The following HERC4 variants were observed in gnomAD, a reference collection of about 807,000 sequenced individuals.
HERC4 encodes probable E3 ubiquitin-protein ligase HERC4.
In HERC4, 28 loss-of-function variants were observed where a neutral mutation model predicts 124.3. That is an observed-to-expected ratio of 0.23 (90% CI 0.17 to 0.31). The LOEUF is 0.31. HERC4 is among the 10% of genes least tolerant of loss of function. The pLI, the probability that HERC4 is intolerant of heterozygous loss-of-function variation, is 1.00. For synonymous variants in HERC4, 407 were observed against 421.5 expected (o/e 0.97, Z 0.42); for missense variants, 713 against 1,229.3 (o/e 0.58, Z 6.28).
intron 15 of HERC4, among the ~76,000 whole-genome samples, chr10:67,978,731 G>A (rs1463600522): frequency 6.6e-6 from 1 of 152,160 alleles, no homozygotes; most frequent in South Asian, 2.1e-4. Context: ...ATCGCCACAG[G>A]GGTGCTTGTG....
chr10:68,033,411 A>G (rs2039308809), intron 6 of HERC4, among the ~76,000 whole-genome samples: 2 of 152,202 alleles, frequency 1.3e-5, no homozygotes, highest in African/African-American at 2.4e-5. Flanking sequence ...AATTATACTG[A>G]ACTATAAGAA....
chr10:67,952,352 T>G (rs2033851525), intron 19 of HERC4, among the ~76,000 whole-genome samples: 1 of 152,006 alleles, frequency 6.6e-6, no homozygotes, highest in African/African-American at 2.4e-5. Context: ...GGCGCGACCT[T>G]GGCTCACTGC....
At chr10:68,025,298 T>C (rs999574014) in intron 8 of HERC4, among the ~76,000 whole-genome samples, 2 of 152,106 alleles carry the variant, frequency 1.3e-5, no homozygotes, top group Non-Finnish European at 2.9e-5. Context: ...TGATATCAAC[T>C]ACAATAAATA....
At chr10:68,068,008 T>C (rs573148901) in intron 3 of HERC4, 3 of 152,328 alleles carry the variant, frequency 2.0e-5, no homozygotes, top group South Asian at 2.1e-4. Flanking sequence ...CAATAAAATA[T>C]GCTGTCTTCA....
At chr10:67,951,387 A>G (rs1036694198) in intron 19 of HERC4, among the ~76,000 whole-genome samples, 1 of 152,206 alleles carries the variant, frequency 6.6e-6, no homozygotes, top group Non-Finnish European at 1.5e-5. Flanking sequence ...TTTACAGAAC[A>G]AATACAAAGC....
In HERC4 at chr10:67,978,307, C is replaced by CACTGGCAGTAT. The variant is rs2035720525; in HGVS notation, c.1806+10345_1806+10355dup. Among the ~76,000 whole-genome samples the CACTGGCAGTAT allele has an allele frequency of 2.6e-5, 4 of 152,332 alleles. 1 individual carries two copies. The South Asian group carries it at 8.3e-4, about 32-fold the overall frequency. ...AAAAACCCCTTGGGCCTCAAGGAAA[C>CACTGGCAGTAT]ACTGGCAGTATTCTGGCAGTACTCC... is the stretch of plus-strand genomic sequence containing the variant. On this transcript the variant is annotated intron_variant, in intron 15 of 24. Coordinates refer to ENST00000373700, the MANE Select transcript of HERC4 (RefSeq NM_015601.4).
chr10:68,013,821 G>C (rs2038109297), intron 9 of HERC4, among the ~76,000 whole-genome samples: 1 of 152,114 alleles, frequency 6.6e-6, no homozygotes, highest in South Asian at 2.1e-4. Context: ...CTCTCTGTAA[G>C]TAACTTTTAC....
intron 23 of HERC4, among the ~76,000 whole-genome samples, chr10:67,927,758 A>C (rs1259041506): frequency 6.6e-6 from 1 of 152,024 alleles, no homozygotes; most frequent in Non-Finnish European, 1.5e-5. Context: ...TCCTGTCTTA[A>C]CTGAATGAAC....
In HERC4 at chr10:67,934,658, T is replaced by C. The variant is rs374728105; in HGVS notation, c.2654+1495A>G. On this transcript the variant is annotated intron_variant, in intron 22 of 24. Transcript: ENST00000373700. ...ATAAAAATGTTTTTAAACACACACATTTGATAATTTGGATACAGAATTCTA... is the reference window on the plus strand; with the variant it reads ...ATAAAAATGTTTTTAAACACACACACTTGATAATTTGGATACAGAATTCTA... Among the ~76,000 whole-genome samples, 5 of 152,290 alleles carry C rather than the reference T, an allele frequency of 3.3e-5. No individual in the cohort carries two copies. The South Asian group carries it at 1.0e-3, about 32-fold the overall frequency.
chr10:68,034,402 T>G (rs908484655), intron 5 of HERC4, among the ~76,000 whole-genome samples: 9 of 152,172 alleles, frequency 5.9e-5, no homozygotes, highest in Non-Finnish European at 7.3e-5. Context: ...TAGTACACTT[T>G]AAGTTTGATT....
chr10:67,953,189 G>T (rs1172796121), intron 19 of HERC4, among the ~76,000 whole-genome samples: 2 of 152,094 alleles, frequency 1.3e-5, no homozygotes, highest in African/African-American at 4.8e-5. Context: ...AACTATGTAG[G>T]CATTTTATAT....
chr10:67,922,847 G>T lies in HERC4; in HGVS notation c.*84C>A. 2.1e-6 allele frequency: 2 copies of T among 945,112 alleles called. No homozygotes were observed. The highest frequency in any genetic ancestry group is 1.6e-6 in the Non-Finnish European group (1 of 617,218). The allele number at this position is 945,112 out of a possible 1,614,324, so 58.5% of individuals were successfully genotyped here. On this transcript the variant is annotated 3_prime_UTR_variant, in exon 25 of 25. Transcript: ENST00000373700. ...AAGTAAGAATTATAATAGTACCTCT[G>T]TCACCTTGCTGAATTCATCACCACA...
Position 68,001,050 on chromosome 10 carries a change from C to T in HERC4, c.1070-8368G>A, listed in dbSNP as rs181838667. 8.5e-4 allele frequency among the ~76,000 whole-genome samples: 129 copies of T among 152,230 alleles called. 1 individual carries two copies. The highest frequency in any genetic ancestry group is 1.6e-3 in the Non-Finnish European group (106 of 68,016). On this transcript the variant is annotated intron_variant, in intron 9 of 24. Transcript: ENST00000373700. Reference sequence around the variant, plus strand: ...CTCCAGGGAGATAATAATCACTAAACCAAAGGAATATTCTGGCTGTTAAGA... The same window carrying T: ...CTCCAGGGAGATAATAATCACTAAATCAAAGGAATATTCTGGCTGTTAAGA...
At position 68,033,481 on chromosome 10, in the gene HERC4, C is replaced by A. The variant is rs561260174; in HGVS notation, c.685+484G>T. 1.4e-4 allele frequency among the ~76,000 whole-genome samples: 21 copies of A among 152,200 alleles called. 2 individuals are homozygous for A. The South Asian group carries it at 4.4e-3, about 32-fold the overall frequency. ...TCAATGTAATCATGAAAAATAAGTT[C>A]CAAGATCCCAACTTGTTTCAGTTAC... On this transcript the variant is annotated intron_variant, in intron 6 of 24. Transcript: ENST00000373700.
intron 23 of HERC4, among the ~76,000 whole-genome samples, chr10:67,926,022 A>G (rs1215346632): frequency 6.6e-6 from 1 of 152,206 alleles, no homozygotes; most frequent in Non-Finnish European, 1.5e-5. Context: ...CTATGAAACA[A>G]GAGTTTCATT....
chr10:68,065,301 CTAAAAA>C (rs1319279745), intron 3 of HERC4, among the ~76,000 whole-genome samples: 2 of 151,748 alleles, frequency 1.3e-5, no homozygotes, highest in Non-Finnish European at 2.9e-5. Context: ...TTATGAAAAA[CTAAAAA>C]TATGTTATTT....
At chr10:68,062,889 T>C (rs976522965) in intron 3 of HERC4, among the ~76,000 whole-genome samples, 3 of 152,328 alleles carry the variant, frequency 2.0e-5, no homozygotes, top group Non-Finnish European at 2.9e-5. Context: ...TATGAGTGAA[T>C]AGATATTCAC....
chr10:67,964,579 C>T (rs1292727549), intron 16 of HERC4, among the ~76,000 whole-genome samples: 1 of 152,066 alleles, frequency 6.6e-6, no homozygotes, highest in Non-Finnish European at 1.5e-5. Flanking sequence ...TCATTTCTGT[C>T]CCGTTCCCTA....
At chr10:68,031,872 G>A (rs1186941131) in intron 7 of HERC4, among the ~76,000 whole-genome samples, 1 of 152,046 alleles carries the variant, frequency 6.6e-6, no homozygotes, top group Non-Finnish European at 1.5e-5. Context: ...TCCTGCCTCA[G>A]CCTCCGGAGT....
Sources: allele counts gnomAD v4.1 joint callset (sites outside exome capture counted in the v4.1 genomes callset), GRCh38; gene constraint gnomAD v4.1.1; transcripts MANE v1.5; gene names NCBI Gene and HGNC (gene_info 2026-07-23, HGNC 2026-07-21).